Variants in FSTL5 observed in about 807,000 individuals in gnomAD.
The protein encoded by FSTL5 is follistatin like 5.
A neutral mutation model predicts 89.1 loss-of-function variants in FSTL5; 62 were observed. The ratio of observed to expected loss-of-function variants is 0.70; its 90% CI spans 0.57 to 0.86. FSTL5 has a LOEUF of 0.86. Among genes scored for constraint, FSTL5 ranks in the 40% least tolerant of loss-of-function variants. The pLI is 0.00. For synonymous variants in FSTL5, 383 were observed against 346.2 expected (o/e 1.11, Z -1.18); for missense variants, 1,057 against 1,001.6 (o/e 1.06, Z -0.75).
chr4:162,102,899 T>C (rs966479191), intron 2 of FSTL5, among the ~76,000 whole-genome samples: 156 of 151,698 alleles, frequency 1.0e-3, no homozygotes, highest in African/African-American at 3.7e-3. Context: ...AGAATGCTGA[T>C]GCAACACTTT....
At chr4:161,414,232 A>G (rs1301759483) in intron 15 of FSTL5, among the ~76,000 whole-genome samples, 1 of 152,178 alleles carries the variant, frequency 6.6e-6, no homozygotes, top group Non-Finnish European at 1.5e-5. Flanking sequence ...ATTCTAACTC[A>G]AGATAACACT....
At chr4:161,963,037 T>C (rs1294626184) in intron 3 of FSTL5, among the ~76,000 whole-genome samples, 1 of 151,964 alleles carries the variant, frequency 6.6e-6, no homozygotes, top group Non-Finnish European at 1.5e-5. Flanking sequence ...TTTGTTTAGC[T>C]CAAACTTACA....
intron 12 of FSTL5, among the ~76,000 whole-genome samples, chr4:161,494,132 T>C (rs1044919353): frequency 2.6e-5 from 4 of 152,146 alleles, no homozygotes; most frequent in Non-Finnish European, 5.9e-5. Flanking sequence ...TTTACATTCC[T>C]CTCTTCAGGA....
intron 4 of FSTL5, among the ~76,000 whole-genome samples, chr4:161,857,481 G>T (rs1456154388): frequency 2.0e-5 from 3 of 152,054 alleles, no homozygotes; most frequent in Non-Finnish European, 4.4e-5. Context: ...TATCTGGCTG[G>T]AATGCTACCC....
At chr4:161,475,142 T>C (rs1734089067) in intron 13 of FSTL5, among the ~76,000 whole-genome samples, 1 of 152,002 alleles carries the variant, frequency 6.6e-6, no homozygotes, top group East Asian at 1.9e-4. Flanking sequence ...ACACAGTATG[T>C]GTAGAGTTGT....
Position 161,776,549 on chromosome 4 carries a change from G to A in FSTL5, c.410-475C>T, listed in dbSNP as rs1004103551. On this transcript the variant is annotated intron_variant, in intron 4 of 15. Coordinates refer to ENST00000306100, the MANE Select transcript of FSTL5 (RefSeq NM_020116.5). Reference sequence around the variant, plus strand: ...TATGTACGTATATGCATACATATACGTATGTATATATGTATATATACATAT... The same window carrying A: ...TATGTACGTATATGCATACATATACATATGTATATATGTATATATACATAT... Among the ~76,000 whole-genome samples, 12 of 101,638 alleles carry A rather than the reference G, an allele frequency of 1.2e-4. No individual in the cohort carries two copies. The East Asian group carries it at 2.3e-3, about 19-fold the overall frequency. 66.7% of individuals were successfully genotyped at this position (101,638 alleles called of 152,430 possible).
intron 3 of FSTL5, among the ~76,000 whole-genome samples, chr4:162,017,518 G>C (rs1736948252): frequency 6.6e-6 from 1 of 152,172 alleles, no homozygotes. Flanking sequence ...TCAGTACTGG[G>C]TGTCTATTGC....
At chr4:161,587,914 C>A (rs918850057) in intron 7 of FSTL5, among the ~76,000 whole-genome samples, 3 of 152,168 alleles carry the variant, frequency 2.0e-5, no homozygotes, top group African/African-American at 7.2e-5. Context: ...TGGCTCACAC[C>A]TGTAATCCCA....
intron 6 of FSTL5, among the ~76,000 whole-genome samples, chr4:161,661,405 T>C (rs6840633): frequency 6.6e-6 from 1 of 152,086 alleles, no homozygotes; most frequent in South Asian, 2.1e-4. Context: ...TAATAATGGG[T>C]ATTTTACCTC....
At chr4:161,742,591 T>G (rs574610647) in intron 6 of FSTL5, among the ~76,000 whole-genome samples, 8 of 152,198 alleles carry the variant, frequency 5.3e-5, no homozygotes, top group Non-Finnish European at 7.4e-5. Flanking sequence ...TGGCAAACAG[T>G]GAGTTTAGGT....
At chr4:162,086,239 T>C (rs1217892227) in intron 2 of FSTL5, among the ~76,000 whole-genome samples, 1 of 152,048 alleles carries the variant, frequency 6.6e-6, no homozygotes, top group African/African-American at 2.4e-5. Flanking sequence ...TGAATGTCTT[T>C]ATTTATGTAA....
chr4:161,404,449 T>C (rs1731288119), intron 15 of FSTL5, among the ~76,000 whole-genome samples: 2 of 152,158 alleles, frequency 1.3e-5, no homozygotes, highest in Non-Finnish European at 2.9e-5. Flanking sequence ...TCCTGTAGAC[T>C]CATGTAAACA....
chr4:161,957,098 C>A (rs1174093627), intron 3 of FSTL5, among the ~76,000 whole-genome samples: 1 of 151,748 alleles, frequency 6.6e-6, no homozygotes, highest in Non-Finnish European at 1.5e-5. Flanking sequence ...TTTTTATACA[C>A]CAATGTGCAA....
At chr4:161,408,655 C>T (rs1423080703) in intron 15 of FSTL5, among the ~76,000 whole-genome samples, 2 of 152,130 alleles carry the variant, frequency 1.3e-5, no homozygotes, top group Non-Finnish European at 2.9e-5. Flanking sequence ...AAAGTTAAAA[C>T]TCTGTCCAAG....
At chr4:161,846,095 T>C (rs573700957) in intron 4 of FSTL5, among the ~76,000 whole-genome samples, 253 of 151,398 alleles carry the variant, frequency 1.7e-3, no homozygotes, top group African/African-American at 5.9e-3. Context: ...GTGTGTGTGT[T>C]TGTGTGTGTG....
At chr4:161,408,801 G>A (rs181228004) in intron 15 of FSTL5, among the ~76,000 whole-genome samples, 10 of 152,208 alleles carry the variant, frequency 6.6e-5, no homozygotes, top group East Asian at 3.9e-4. Flanking sequence ...TATTAGCAGC[G>A]GAAGTTGAGG....
intron 4 of FSTL5, among the ~76,000 whole-genome samples, chr4:161,802,184 T>A (rs868317711): frequency 1.3e-5 from 2 of 151,714 alleles, no homozygotes; most frequent in Non-Finnish European, 3.0e-5. Context: ...ATCATACTTA[T>A]GTTGCTTCAG....
In FSTL5 at chr4:161,675,345, T is replaced by TATATTCTA. The variant is rs1242381960; in HGVS notation, c.728-18859_728-18852dup. ...TTCTACTAATAAATGCATATCAGCT[T>TATATTCTA]ATATTCTATTTATTTTCAAAATCAT... On this transcript the variant is annotated intron_variant, in intron 6 of 15. Transcript: ENST00000306100. Among the ~76,000 whole-genome samples, 166 of 151,830 alleles carry TATATTCTA rather than the reference T, an allele frequency of 1.1e-3. 2 individuals carry two copies. Among genetic ancestry groups the TATATTCTA allele is most frequent in the Non-Finnish European group, 4.7e-4 (32 of 67,840 alleles).
chr4:161,639,658 A>T (rs967500097), intron 7 of FSTL5, among the ~76,000 whole-genome samples: 2 of 152,166 alleles, frequency 1.3e-5, no homozygotes, highest in African/African-American at 4.8e-5. Context: ...CTTGGAAAGC[A>T]ATTTGAGATG....
Sources: allele counts gnomAD v4.1 joint callset (sites outside exome capture counted in the v4.1 genomes callset), GRCh38; gene constraint gnomAD v4.1.1; transcripts MANE v1.5; gene names NCBI Gene and HGNC (gene_info 2026-07-23, HGNC 2026-07-21).